LRRC7: variants seen among roughly 807,000 people sequenced by gnomAD.
LRRC7 encodes leucine rich repeat containing 7, also known as leucine-rich repeat-containing protein 7.
Under a neutral mutation model 175.7 loss-of-function variants are expected in LRRC7, and 23 were observed. The ratio of observed to expected loss-of-function variants is 0.13; its 90% CI spans 0.09 to 0.19. The LOEUF (loss-of-function observed/expected upper bound fraction) is 0.19, where lower values mean the gene tolerates loss of function less well. LRRC7 is among the 10% of genes least tolerant of loss of function. The pLI, the probability that LRRC7 is intolerant of heterozygous loss-of-function variation, is 1.00. For missense variants in LRRC7, 1,354 were observed against 1,904.7 expected, an observed-to-expected ratio of 0.71 and a Z score of 5.38; for synonymous variants, 685 against 680.9, an observed-to-expected ratio of 1.01 and a Z score of -0.09.
Position 70,135,300 on chromosome 1 carries a change from C to T in LRRC7, c.*13413C>T, listed in dbSNP as rs968365322. ...AGGCTATGATCATCTCCTCAAAGCA[C>T]GGGGGCTTGTGGCTTATTCTTTTCA... On this transcript the variant is annotated 3_prime_UTR_variant, in exon 27 of 27. Coordinates refer to ENST00000651989, the MANE Select transcript of LRRC7 (RefSeq NM_001370785.2). Among the ~76,000 whole-genome samples the T allele has an allele frequency of 6.6e-5, 10 of 152,138 alleles. No homozygotes were observed. Among genetic ancestry groups the T allele is most frequent in the Admixed American group, 5.9e-4 (9 of 15,280 alleles).
At chr1:70,025,907 A>G (rs1198390142) in intron 17 of LRRC7, among the ~76,000 whole-genome samples, 1 of 151,990 alleles carries the variant, frequency 6.6e-6, no homozygotes, top group Non-Finnish European at 1.5e-5. Context: ...AAGACTTTGG[A>G]AGAGGTGTGT....
intron 8 of LRRC7, among the ~76,000 whole-genome samples, chr1:69,939,824 A>T (rs1030316699): frequency 1.3e-5 from 2 of 152,128 alleles, no homozygotes; most frequent in East Asian, 3.9e-4. Context: ...CATCATCAGA[A>T]TCATGCCTAT....
intron 3 of LRRC7, among the ~76,000 whole-genome samples, chr1:69,779,778 C>T (rs1673272148): frequency 6.6e-6 from 1 of 152,216 alleles, no homozygotes; most frequent in Non-Finnish European, 1.5e-5. Flanking sequence ...AAGAGCTCTT[C>T]TCTGCAGCAC....
At chr1:70,053,717 GA>G (rs1660917742) in intron 23 of LRRC7, among the ~76,000 whole-genome samples, 1 of 152,032 alleles carries the variant, frequency 6.6e-6, no homozygotes, top group African/African-American at 2.4e-5. Context: ...GGAGTAAAAA[GA>G]AAGCCACAAC....
intron 24 of LRRC7, among the ~76,000 whole-genome samples, chr1:70,083,203 C>A (rs951678451): frequency 2.0e-5 from 3 of 152,092 alleles, no homozygotes; most frequent in Non-Finnish European, 4.4e-5. Context: ...TATTAATTAT[C>A]CTTGAATATT....
intron 3 of LRRC7, among the ~76,000 whole-genome samples, chr1:69,773,288 G>A (rs1254289485): frequency 6.6e-6 from 1 of 152,148 alleles, no homozygotes; most frequent in African/African-American, 2.4e-5. Flanking sequence ...AGGAATAGAT[G>A]TACTTCATTC....
At chr1:69,747,374 T>C (rs1015989214) in intron 2 of LRRC7, among the ~76,000 whole-genome samples, 1 of 152,124 alleles carries the variant, frequency 6.6e-6, no homozygotes, top group Non-Finnish European at 1.5e-5. Flanking sequence ...CCTGTATGGG[T>C]GTGGTCCCAG....
At chr1:69,791,497 A>T (rs1675117577) in intron 3 of LRRC7, among the ~76,000 whole-genome samples, 1 of 152,048 alleles carries the variant, frequency 6.6e-6, no homozygotes, top group Admixed American at 6.5e-5. Flanking sequence ...TTTTTCACCA[A>T]ATATCAGAGG....
chr1:69,901,738 G>C (rs1464779504), intron 7 of LRRC7, among the ~76,000 whole-genome samples: 1 of 151,988 alleles, frequency 6.6e-6, no homozygotes, highest in Non-Finnish European at 1.5e-5. Flanking sequence ...AAACTACATT[G>C]CTATTTCTAA....
chr1:69,828,106 C>T (rs1414305361), intron 5 of LRRC7, among the ~76,000 whole-genome samples: 1 of 152,018 alleles, frequency 6.6e-6, no homozygotes, highest in African/African-American at 2.4e-5. Flanking sequence ...ATAATCAGTA[C>T]TTCATTCCCC....
Position 70,130,947 on chromosome 1 carries a change from G to A in LRRC7, c.*9060G>A, listed in dbSNP as rs1666639801. ...AAGAATAGTCTGTCTACAGGCTGTT[G>A]GCCACAGTTGAGCATGACAATGTTT... On this transcript the variant is annotated 3_prime_UTR_variant, in exon 27 of 27. Coordinates refer to ENST00000651989, the MANE Select transcript of LRRC7 (RefSeq NM_001370785.2). Among the ~76,000 whole-genome samples, 1 of 152,104 alleles carries A rather than the reference G, an allele frequency of 6.6e-6. No individual in the cohort carries two copies. The highest frequency in any genetic ancestry group is 2.4e-5 in the African/African-American group (1 of 41,422).
intron 2 of LRRC7, among the ~76,000 whole-genome samples, chr1:69,693,708 C>T (rs1277744598): frequency 6.6e-6 from 1 of 152,134 alleles, no homozygotes; most frequent in Admixed American, 6.5e-5. Flanking sequence ...CACCATAGCC[C>T]AGCCAAGTTG....
At chr1:69,639,068 A>AT (rs998780549) in intron 1 of LRRC7, among the ~76,000 whole-genome samples, 6 of 151,802 alleles carry the variant, frequency 4.0e-5, no homozygotes, top group South Asian at 2.1e-4. Context: ...AAAATTTTCT[A>AT]TTTTTTTGTC....
intron 4 of LRRC7, among the ~76,000 whole-genome samples, chr1:69,811,858 G>A (rs532410908): frequency 2.0e-5 from 3 of 152,162 alleles, no homozygotes; most frequent in South Asian, 2.1e-4. Flanking sequence ...ACCATGGCAC[G>A]TGTATACCTA....
At chr1:70,078,810 G>GCACACACACACACACACGCA (rs374404537) in intron 24 of LRRC7, among the ~76,000 whole-genome samples, 1 of 141,212 alleles carries the variant, frequency 7.1e-6, no homozygotes. Flanking sequence ...GCGCGCGCGC[G>GCACACACACACACACACGCA]CACACACACA....
intron 1 of LRRC7, among the ~76,000 whole-genome samples, chr1:69,571,670 T>C (rs974199877): frequency 6.6e-6 from 1 of 152,146 alleles, no homozygotes; most frequent in African/African-American, 2.4e-5. Flanking sequence ...TAGGTTTTAA[T>C]TGATGTATCA....
intron 24 of LRRC7, among the ~76,000 whole-genome samples, chr1:70,080,269 G>T (rs1663109199): frequency 6.6e-6 from 1 of 152,150 alleles, no homozygotes; most frequent in Non-Finnish European, 1.5e-5. Context: ...AAGAACTAGT[G>T]TATTTTTAAC....
At chr1:69,721,424 G>A (rs1666337173) in intron 2 of LRRC7, among the ~76,000 whole-genome samples, 1 of 148,410 alleles carries the variant, frequency 6.7e-6, no homozygotes, top group Non-Finnish European at 1.5e-5. Flanking sequence ...CCATAATTTT[G>A]TCATCTCCAG....
At chr1:69,956,046 A>G (rs1650453455) in intron 8 of LRRC7, among the ~76,000 whole-genome samples, 1 of 152,090 alleles carries the variant, frequency 6.6e-6, no homozygotes, top group African/African-American at 2.4e-5. Context: ...ATGCAGAGAA[A>G]AGTAAAGCTG....
Sources: allele counts gnomAD v4.1 joint callset (sites outside exome capture counted in the v4.1 genomes callset), GRCh38; gene constraint gnomAD v4.1.1; transcripts MANE v1.5; gene names NCBI Gene and HGNC (gene_info 2026-07-23, HGNC 2026-07-21).